The following MYBPC3 variants were observed in gnomAD, a reference collection of about 807,000 sequenced individuals.
The protein encoded by MYBPC3 is myosin binding protein C3.
In MYBPC3, 108 loss-of-function variants were observed where a neutral mutation model predicts 159.3. That is an observed-to-expected ratio of 0.68 (90% CI 0.58 to 0.80). MYBPC3 has a LOEUF of 0.80. Among genes scored for constraint, MYBPC3 ranks in the 30% least tolerant of loss-of-function variants. The pLI is 0.00. For missense variants in MYBPC3, 1,631 were observed against 1,762.1 expected (o/e 0.93, Z 1.33); for synonymous variants, 730 against 702.0 (o/e 1.04, Z -0.63).
rs1297036943 is a variant in MYBPC3 at position 47,332,945 on chromosome 11, C to T, written c.3359G>A (p.Arg1120His). 1.9e-5 allele frequency: 31 copies of T among 1,610,416 alleles called. No homozygotes were observed. The highest frequency in any genetic ancestry group is 5.0e-5 in the Admixed American group (3 of 59,542). The change falls in exon 31 of 35, where the codon CGC becomes CAC. Residue 1120 changes from arginine to histidine, a missense_variant. By Grantham distance (29) the Arg-to-His change is conservative (BLOSUM62 0). Transcript: ENST00000545968. The surrounding 1 kb of genome is among the most constrained non-coding windows in gnomAD (Gnocchi z 4.2). ...CTCTGGCACCACGCAGTGGGTGCGG[C>T]GGTAATGCTCCAAGACGGTGAACCA... is the stretch of plus-strand genomic sequence containing the variant. ...MEWFTVLEHY[R>H]RTHCVVPELI...
At position 47,338,309 on chromosome 11, in the gene MYBPC3, T is replaced by G. The variant is rs1374578821; in HGVS notation, c.2308+211A>C. Among the ~76,000 whole-genome samples, 1 of 152,210 alleles carries G rather than the reference T, an allele frequency of 6.6e-6. No individual in the cohort carries two copies. The highest frequency in any genetic ancestry group is 1.5e-5 in the Non-Finnish European group (1 of 68,038). On this transcript the variant is annotated intron_variant, in intron 23 of 34. Transcript: ENST00000545968. This position sits in a 1 kb window ranked among gnomAD's most constrained non-coding sequence, Gnocchi z 4.7. ...CCCACGGCACTCTGGACATGGCTCA[T>G]GTACAGCAGTGTCGCAGGAAATCTG...
intron 25 of MYBPC3, among the ~76,000 whole-genome samples, chr11:47,337,137 T>C (rs1164087039): frequency 6.6e-6 from 1 of 152,156 alleles, no homozygotes; most frequent in Admixed American, 6.5e-5. Flanking sequence ...AAGAGAGGCT[T>C]GAAACGTGAA....
intron 20 of MYBPC3, 21 bp downstream of exon 20, chr11:47,340,982 C>T: frequency 3.2e-6 from 5 of 1,549,820 alleles, no homozygotes; most frequent in Non-Finnish European, 4.4e-6. Context: ...AGAACCAAGA[C>T]TCAGGGGCCC....
At chr11:47,344,480 T>A (rs925046759) in intron 12 of MYBPC3, among the ~76,000 whole-genome samples, 4 of 152,194 alleles carry the variant, frequency 2.6e-5, no homozygotes, top group Non-Finnish European at 4.4e-5. Flanking sequence ...TCCACAACAA[T>A]GCCTCCTCTT....
At position 47,332,071 on chromosome 11, in the gene MYBPC3, C is replaced by A; in HGVS notation, c.3814+1G>T. 6.2e-7 allele frequency: 1 copy of A among 1,607,946 alleles called. No individual in the cohort carries two copies. Among genetic ancestry groups the A allele is most frequent in the Non-Finnish European group, 8.5e-7 (1 of 1,175,948 alleles). ...AGGCCCTGGCCCCGAGGGCTCCTCA[C>A]CTCGCACCTCCAGGCGGCACTCACA... On this transcript the variant is annotated splice_donor_variant, in intron 33 of 34. Transcript: ENST00000545968. LOFTEE classifies it high-confidence loss of function. The surrounding 1 kb of genome is among the most constrained non-coding windows in gnomAD (Gnocchi z 4.2).
At position 47,342,715 on chromosome 11, in the gene MYBPC3, T is replaced by C. The variant is rs759884209; in HGVS notation, c.1487A>G (p.Glu496Gly). The C allele has an allele frequency of 1.2e-6, 2 of 1,613,990 alleles. No homozygotes were observed. Among genetic ancestry groups the C allele is most frequent in the South Asian group, 2.2e-5 (2 of 91,082 alleles). The change falls in exon 17 of 35, where the codon GAG (glutamate) becomes GGG (glycine). Residue 496 changes from glutamate to glycine, a missense_variant. By Grantham distance (98) the Glu-to-Gly change is moderately conservative. Transcript: ENST00000545968. ...CTTGAACCGGTATTTGAAGGTCTCC[T>C]CCCGGGTCAGCTCCACCCCGTCCTT... The part of the protein sequence containing the change: ...WLKDGVELTR[E>G]ETFKYRFKKD...
intron 21 of MYBPC3, 107 bp from the exon 22 acceptor site, chr11:47,339,511 G>T: frequency 6.7e-7 from 1 of 1,493,030 alleles, no homozygotes; most frequent in Non-Finnish European, 9.2e-7. Flanking sequence ...CACCTTGCCT[G>T]CCCCCTGACC....
intron 6 of MYBPC3, among the ~76,000 whole-genome samples, chr11:47,348,114 C>T (rs964964225): frequency 2.6e-5 from 4 of 152,190 alleles, no homozygotes; most frequent in African/African-American, 9.7e-5. Flanking sequence ...CCAATTCCCA[C>T]CCATCTCTCA....
chr11:47,347,775 C>T, intron 7 of MYBPC3, 82 bp downstream of exon 7: 1 of 1,546,474 alleles, frequency 6.5e-7, no homozygotes, highest in Non-Finnish European at 8.7e-7. Flanking sequence ...AAATCATCCC[C>T]AGCCCTGACC....
rs397515976 is a variant in MYBPC3, at chr11:47,337,436, C to T, written c.2557G>A (p.Gly853Ser). 7 of 1,610,532 alleles carry T rather than the reference C, an allele frequency of 4.3e-6. No homozygotes were observed. In the Admixed American group the frequency reaches 8.3e-5, roughly 19 times the overall value. Residue 853 changes from glycine (G) to serine (S), a missense_variant, in exon 25 of 35, where the codon GGC (glycine) becomes AGC (serine). Physicochemically the swap from Gly to Ser is moderately conservative, Grantham distance 56 (BLOSUM62 0). Coordinates refer to ENST00000545968, the MANE Select transcript of MYBPC3 (RefSeq NM_000256.3). Reference protein sequence around the residue: ...EMRVYAVNAIGMSRPSPASQP... With the variant: ...EMRVYAVNAISMSRPSPASQP... Reference sequence around the variant, plus strand: ...GAGGCAGGGCTGGGCCTGGACATGCCGATGGCGTTGACCGCGTAGACGCGC... The same window carrying T: ...GAGGCAGGGCTGGGCCTGGACATGCTGATGGCGTTGACCGCGTAGACGCGC...
intron 2 of MYBPC3, among the ~76,000 whole-genome samples, chr11:47,350,988 G>A (rs149489901): frequency 4.2e-4 from 64 of 152,330 alleles, no homozygotes; most frequent in African/African-American, 1.5e-3. Flanking sequence ...GGTCTGCAGG[G>A]GGAGAGTGGG....
chr11:47,350,826 G>C lies in MYBPC3; in HGVS notation c.293-211C>G, dbSNP rs2071304. On this transcript the variant is annotated intron_variant, in intron 2 of 34. Transcript: ENST00000545968. ...TTCTCCTCCCCGTCCCAGGCCATCA[G>C]TTCCCATGTCCTCTGCATCTGCCCT... 0.29 allele frequency among the ~76,000 whole-genome samples: 43,630 copies of C among 152,112 alleles called. 6,556 individuals carry two copies. Among genetic ancestry groups the C allele is most frequent in the Middle Eastern group, 0.38 (111 of 292 alleles).
intron 27 of MYBPC3, 121 bp from the exon 28 acceptor site, chr11:47,334,131 G>A: frequency 1.0e-6 from 1 of 954,386 alleles, no homozygotes; most frequent in East Asian, 2.7e-5. Context: ...CTGCCTGCTG[G>A]GCCCTGCGCC....
Position 47,337,495 on chromosome 11 carries a change from G to C in MYBPC3, c.2498C>G (p.Ala833Gly). 2 of 1,614,004 alleles carry C rather than the reference G, an allele frequency of 1.2e-6. No homozygotes were observed. The highest frequency in any genetic ancestry group is 2.2e-5 in the East Asian group (1 of 44,884). ...CACCACGCCCTCGATCATGCGCCGC[G>C]CTTCATGACTCAGCTCCTGAATCAG... ...FDLIQELSHE[A>G]RRMIEGVVYE... The change falls in exon 25 of 35, where the codon GCG (alanine) becomes GGG (glycine). Residue 833 changes from alanine to glycine, a missense_variant. By Grantham distance (60) the Ala-to-Gly change is moderately conservative. Transcript: ENST00000545968.
At chr11:47,342,526 G>C in intron 17 of MYBPC3, 52 bp downstream of exon 17, 1 of 1,482,000 alleles carries the variant, frequency 6.7e-7, no homozygotes, top group Non-Finnish European at 8.9e-7. Context: ...GTGGGGTGGG[G>C]GCTGAGGGGT....
rs563369173 is a variant in MYBPC3, at chr11:47,351,917, G to A, written c.26-412C>T. Among the ~76,000 whole-genome samples, 1 of 152,294 alleles carries A rather than the reference G, an allele frequency of 6.6e-6. No homozygotes were observed. Among genetic ancestry groups the A allele is most frequent in the East Asian group, 1.9e-4 (1 of 5,180 alleles). Reference sequence around the variant, plus strand: ...ATTTGTCCTCCAAGGACCTCAGGCTGGGTATCAGCAACTGAGATAAAGCTG... The same window carrying A: ...ATTTGTCCTCCAAGGACCTCAGGCTAGGTATCAGCAACTGAGATAAAGCTG... On this transcript the variant is annotated intron_variant, in intron 1 of 34. Transcript: ENST00000545968. The surrounding 1 kb of genome is among the most constrained non-coding windows in gnomAD (Gnocchi z 4.2).
intron 20 of MYBPC3, among the ~76,000 whole-genome samples, chr11:47,340,646 G>A (rs1213202301): frequency 1.3e-5 from 2 of 152,004 alleles, no homozygotes; most frequent in African/African-American, 2.4e-5. Flanking sequence ...CAGCGTGGGC[G>A]ACAGAGGGAG....
intron 22 of MYBPC3, 107 bp downstream of exon 22, chr11:47,339,217 C>G: frequency 8.1e-7 from 1 of 1,233,680 alleles, no homozygotes. Context: ...GCAACACACC[C>G]GGCCAAGTGT....
At position 47,335,066 on chromosome 11, in the gene MYBPC3, G is replaced by C. The variant is rs2095880907; in HGVS notation, c.2881C>G (p.Pro961Ala). Residue 961 changes from proline (P) to alanine (A), a missense_variant, in exon 27 of 35, where the codon CCG becomes GCG. Physicochemically the swap from Pro to Ala is conservative, Grantham distance 27. Coordinates refer to ENST00000545968, the MANE Select transcript of MYBPC3 (RefSeq NM_000256.3). ...GPGAPVTTTE[P>A]VTVQEILQRP... is the part of the protein sequence containing the mutation. ...CGCAGGATCTCCTGCACTGTCACCG[G>C]CTCCGTGGTGGTAACAGGGGCTCCA... is the stretch of plus-strand genomic sequence containing the variant. The C allele has an allele frequency of 6.3e-7, 1 of 1,582,708 alleles. No individual in the cohort carries two copies. Among genetic ancestry groups the C allele is most frequent in the Admixed American group, 1.7e-5 (1 of 57,544 alleles).
Sources: allele counts gnomAD v4.1 joint callset (sites outside exome capture counted in the v4.1 genomes callset), GRCh38; gene constraint gnomAD v4.1.1; non-coding constraint Gnocchi (gnomAD v3.1); transcripts MANE v1.5; gene names NCBI Gene and HGNC (gene_info 2026-07-23, HGNC 2026-07-21).